Variants in NUFIP2 observed in about 807,000 individuals in gnomAD.
NUFIP2 encodes the protein nuclear FMR1 interacting protein 2.
A neutral mutation model predicts 56.9 loss-of-function variants in NUFIP2; 6 were observed. The ratio of observed to expected loss-of-function variants is 0.11; its 90% CI spans 0.06 to 0.21. NUFIP2 has a LOEUF of 0.21. Ranked by LOEUF, NUFIP2 falls within the 10% of genes least tolerant of loss-of-function variation. The pLI, the probability that NUFIP2 is intolerant of heterozygous loss-of-function variation, is 1.00. For missense variants in NUFIP2, 828 were observed against 826.8 expected (o/e 1.00, Z -0.02); for synonymous variants, 321 against 298.2 (o/e 1.08, Z -0.79).
Position 29,293,994 on chromosome 17 carries a change from G to C in NUFIP2, c.66C>G (p.His22Gln). Residue 22 changes from histidine (H) to glutamine (Q), a missense_variant, in exon 1 of 4, where the codon CAC becomes CAG. Physicochemically the swap from His to Gln is conservative, Grantham distance 24. This residue lies in a region of NUFIP2 where 415 missense variants were observed against 408.7 expected (regional missense o/e 1.02). Transcript: ENST00000225388. ...GCGGCTGCTGCTGCTGCTGCTGAGG[G>C]TGATGGTGCGGATGGTGGTGGCTGT... The part of the protein sequence containing the change: ...HHHSHHHPHH[H>Q]PQQQQQQPHH... 2 of 1,612,902 alleles carry C rather than the reference G, an allele frequency of 1.2e-6. No individual in the cohort carries two copies. The highest frequency in any genetic ancestry group is 2.7e-5 in the African/African-American group (2 of 74,918).
In NUFIP2 at chr17:29,287,538, C is replaced by A. The variant is rs1168384730; in HGVS notation, c.456G>T (p.Lys152Asn). 1.2e-6 allele frequency: 2 copies of A among 1,613,972 alleles called. No homozygotes were observed. The highest frequency in any genetic ancestry group is 1.7e-6 in the Non-Finnish European group (2 of 1,179,984). ...NTFGKAGIKT[K>N]NFIQKNSMDK... ...CCATACTGTTTTTCTGAATGAAATTCTTGGTTTTAATTCCTGCTTTCCCAA... is the reference window on the plus strand; with the variant it reads ...CCATACTGTTTTTCTGAATGAAATTATTGGTTTTAATTCCTGCTTTCCCAA... Residue 152 changes from lysine (K) to asparagine (N), a missense_variant, in exon 2 of 4, where the codon AAG becomes AAT. This residue lies in a region of NUFIP2 where 415 missense variants were observed against 408.7 expected (regional missense o/e 1.02). Coordinates refer to ENST00000225388, the MANE Select transcript of NUFIP2 (RefSeq NM_020772.3).
At chr17:29,278,257 T>A (rs1489154255) in intron 2 of NUFIP2, among the ~76,000 whole-genome samples, 1 of 151,540 alleles carries the variant, frequency 6.6e-6, no homozygotes, top group Non-Finnish European at 1.5e-5. Flanking sequence ...TTATTATTAT[T>A]TTTTTTTGAG....
chr17:29,283,679 A>G (rs1205532040), intron 2 of NUFIP2, among the ~76,000 whole-genome samples: 2 of 152,172 alleles, frequency 1.3e-5, no homozygotes, highest in African/African-American at 4.8e-5. Flanking sequence ...TTCGGTAAAC[A>G]TTTTCCAGTA....
chr17:29,291,109 T>C (rs936592599), intron 1 of NUFIP2, among the ~76,000 whole-genome samples: 1 of 151,660 alleles, frequency 6.6e-6, no homozygotes, highest in Non-Finnish European at 1.5e-5. Flanking sequence ...CCTTGTGATA[T>C]GTATGAAGTA....
intron 2 of NUFIP2, among the ~76,000 whole-genome samples, chr17:29,275,643 G>A (rs2069103195): frequency 2.0e-5 from 3 of 152,092 alleles, no homozygotes; most frequent in Admixed American, 2.0e-4. Context: ...CAACATTTAT[G>A]CAGTTGCCTT....
chr17:29,278,955 A>C (rs1030410729), intron 2 of NUFIP2, among the ~76,000 whole-genome samples: 4 of 152,206 alleles, frequency 2.6e-5, no homozygotes, highest in Admixed American at 1.3e-4. Flanking sequence ...ATTCATTACT[A>C]TATGTCCCAC....
intron 2 of NUFIP2, among the ~76,000 whole-genome samples, chr17:29,271,623 C>T (rs2069073234): frequency 6.6e-6 from 1 of 151,982 alleles, no homozygotes; most frequent in African/African-American, 2.4e-5. Context: ...CTTCCTGTTA[C>T]TTAATATTAA....
chr17:29,279,002 T>G (rs914069464), intron 2 of NUFIP2, among the ~76,000 whole-genome samples: 2 of 152,134 alleles, frequency 1.3e-5, no homozygotes, highest in African/African-American at 4.8e-5. Context: ...CCTTTCCAAA[T>G]CTAGGGAATC....
At chr17:29,285,892 A>G (rs1467975079) in intron 2 of NUFIP2, 100 bp downstream of exon 2, 1 of 917,478 alleles carries the variant, frequency 1.1e-6, no homozygotes, top group Non-Finnish European at 1.6e-6. Context: ...CTCTTAAAAT[A>G]CTCTTAATAT....
At chr17:29,270,422 G>A (rs1203792360) in intron 2 of NUFIP2, among the ~76,000 whole-genome samples, 2 of 150,760 alleles carry the variant, frequency 1.3e-5, no homozygotes, top group Admixed American at 6.6e-5. Flanking sequence ...TTCAAACAAC[G>A]AGGAACAGTT....
chr17:29,282,191 T>TA lies in NUFIP2; in HGVS notation c.2002+3800dup, dbSNP rs1177280772. On this transcript the variant is annotated intron_variant, in intron 2 of 3. Transcript: ENST00000225388. ...TGCTTAATCTAAAAACTTCCTGTAT[T>TA]AAAAAAAGCCCTTGCCAGAAGCTGC... is the stretch of plus-strand genomic sequence containing the variant. Among the ~76,000 whole-genome samples, 12 of 152,002 alleles carry TA rather than the reference T, an allele frequency of 7.9e-5. 1 individual carries two copies. The South Asian group carries it at 2.1e-3, about 26-fold the overall frequency.
In NUFIP2 at chr17:29,286,114, A is replaced by G; in HGVS notation, c.1880T>C (p.Leu627Pro). Residue 627 changes from leucine (L) to proline (P), a missense_variant, in exon 2 of 4, where the codon CTG becomes CCG. Physicochemically the swap from Leu to Pro is moderately conservative, Grantham distance 98. This residue lies in a region of NUFIP2 where 404 missense variants were observed against 380.3 expected (regional missense o/e 1.06). Coordinates refer to ENST00000225388, the MANE Select transcript of NUFIP2 (RefSeq NM_020772.3). ...KDYEIESQNPLASPTNTLLGS... is the reference protein window; with the variant it reads ...KDYEIESQNPPASPTNTLLGS... ...TAACAAAGTGTTCGTAGGAGAGGCC[A>G]GAGGATTTTGACTTTCTATCTCGTA... is the stretch of plus-strand genomic sequence containing the variant. 1 of 1,614,122 alleles carries G rather than the reference A, an allele frequency of 6.2e-7. No homozygotes were observed. The highest frequency in any genetic ancestry group is 2.2e-5 in the East Asian group (1 of 44,882).
At chr17:29,293,650 G>T (rs1661026121) in intron 1 of NUFIP2, 133 bp downstream of exon 1, 1 of 942,556 alleles carries the variant, frequency 1.1e-6, no homozygotes, top group Non-Finnish European at 1.5e-6. Flanking sequence ...AATGAAAGGG[G>T]CATCCCCAGA....
rs922408203 is a variant in NUFIP2 at position 29,261,144 on chromosome 17, A to G, written c.*3395T>C. The G allele has an allele frequency of 7.9e-5, 12 of 152,290 alleles. No individual in the cohort carries two copies. The highest frequency in any genetic ancestry group is 2.9e-4 in the African/African-American group (12 of 41,568). 9.4% of individuals were successfully genotyped at this position (152,290 alleles called of 1,614,324 possible). On this transcript the variant is annotated 3_prime_UTR_variant, in exon 4 of 4. Transcript: ENST00000225388. Reference sequence around the variant, plus strand: ...GTGGTATGTGACACAGAAGCCTACAATAATCAAAACAGATTTAAAAAGAAA... The same window carrying G: ...GTGGTATGTGACACAGAAGCCTACAGTAATCAAAACAGATTTAAAAAGAAA...
Position 29,287,422 on chromosome 17 carries a change from A to G in NUFIP2, c.572T>C (p.Val191Ala). The G allele has an allele frequency of 6.2e-7, 1 of 1,614,106 alleles. No homozygotes were observed. The highest frequency in any genetic ancestry group is 2.2e-5 in the East Asian group (1 of 44,880). The stretch of plus-strand genomic sequence containing the variant: ...AGTAATATAACCAGAATTATTTGTT[A>G]CCACACCATTTGGAATTGGTATAGT... ...SDTIPIPNGV[V>A]TNNSGYITNG... The change falls in exon 2 of 4, where the codon GTA becomes GCA. Residue 191 changes from valine to alanine, a missense_variant. By Grantham distance (64) the Val-to-Ala change is moderately conservative (BLOSUM62 0). Transcript: ENST00000225388.
At chr17:29,291,047 A>G (rs1418513106) in intron 1 of NUFIP2, among the ~76,000 whole-genome samples, 1 of 145,562 alleles carries the variant, frequency 6.9e-6, no homozygotes, top group Non-Finnish European at 1.5e-5. Context: ...AAAAAAAAAA[A>G]AAAAAAGAAA....
At position 29,293,862 on chromosome 17, in the gene NUFIP2, G is replaced by A. The variant is rs1479183180; in HGVS notation, c.198C>T (p.Pro66=). The change falls in exon 1 of 4, where the codon CCC becomes CCT. Residue 66 remains proline (P), a synonymous_variant. Coordinates refer to ENST00000225388, the MANE Select transcript of NUFIP2 (RefSeq NM_020772.3). ...QYLQHGAEGS[P]KAQPKPLKHE... ...GTTTCAGCGGCTTTGGCTGGGCCTTGGGGCTGCCCTCGGCTCCATGCTGCA... is the reference window on the plus strand; with the variant it reads ...GTTTCAGCGGCTTTGGCTGGGCCTTAGGGCTGCCCTCGGCTCCATGCTGCA... The A allele has an allele frequency of 2.5e-6, 4 of 1,612,998 alleles. No homozygotes were observed. Among genetic ancestry groups the A allele is most frequent in the East Asian group, 2.2e-5 (1 of 44,840 alleles).
rs759737105 is a variant in NUFIP2, at chr17:29,264,602, T to TA, written c.2036-12dup. 18 of 1,524,676 alleles carry TA rather than the reference T, an allele frequency of 1.2e-5. No homozygotes were observed. The highest frequency in any genetic ancestry group is 1.3e-5 in the Non-Finnish European group (14 of 1,099,990). 94.4% of individuals were successfully genotyped at this position (1,524,676 alleles called of 1,614,324 possible). On this transcript the variant is annotated splice_polypyrimidine_tract_variant and intron_variant, in intron 3 of 3. Coordinates refer to ENST00000225388, the MANE Select transcript of NUFIP2 (RefSeq NM_020772.3). ...TTATCCTTTTGGGATCTAGAAAGGT[T>TA]AAAAAAATAAATAAAAATAAGGTCT...
chr17:29,293,080 CGAG>C (rs1253313420), intron 1 of NUFIP2, among the ~76,000 whole-genome samples: 5 of 151,408 alleles, frequency 3.3e-5, no homozygotes, highest in Non-Finnish European at 7.4e-5. Context: ...AGCGGCCCCG[CGAG>C]GAGGAGAGAA....
Sources: gnomAD v4.1 joint callset for allele counts (sites outside exome capture counted in the v4.1 genomes callset) on GRCh38, gnomAD v4.1.1 for gene constraint, gnomAD v4.1.1 regional missense constraint, MANE v1.5 for transcripts, NCBI Gene and HGNC (gene_info 2026-07-23, HGNC 2026-07-21) for gene names.